GPHN: variants seen among roughly 807,000 people sequenced by gnomAD.
GPHN encodes gephyrin.
GPHN carries 17 observed loss-of-function variants against 95.5 expected under a neutral mutation model. The ratio of observed to expected loss-of-function variants is 0.18; its 90% confidence interval spans 0.12 to 0.27. The LOEUF (loss-of-function observed/expected upper bound fraction) is 0.27. Among genes scored for constraint, GPHN ranks in the 10% least tolerant of loss-of-function variants. GPHN has a pLI of 1.00. For synonymous variants in GPHN, 320 were observed against 322.5 expected (o/e 0.99, Z 0.08); for missense variants, 660 against 978.1 (o/e 0.67, Z 4.34).
At chr14:66,736,951 T>G (rs1211865661) in intron 2 of GPHN, among the ~76,000 whole-genome samples, 1 of 152,174 alleles carries the variant, frequency 6.6e-6, no homozygotes, top group African/African-American at 2.4e-5. Context: ...TGAATTTTCC[T>G]TTCATCTGTA....
At chr14:67,224,492 C>T in the GPHN span, 1 of 169,956 alleles carries the variant, frequency 5.9e-6, no homozygotes, top group Non-Finnish European at 1.3e-5. Flanking sequence ...AATCTCCTGA[C>T]CTCATGATCC....
At chr14:66,951,388 T>C (rs1370132914) in intron 8 of GPHN, among the ~76,000 whole-genome samples, 3 of 151,696 alleles carry the variant, frequency 2.0e-5, no homozygotes, top group African/African-American at 7.3e-5. Context: ...TGGTGGTGCA[T>C]GCCTGTAGTC....
the GPHN span, chr14:67,592,851 T>G: frequency 1.7e-6 from 1 of 592,158 alleles, no homozygotes; most frequent in Non-Finnish European, 3.0e-6. Context: ...AGTGGCGCAA[T>G]CTCGGCTCAC....
chr14:67,142,640 T>C (rs987488404), intron 17 of GPHN, among the ~76,000 whole-genome samples: 3 of 152,184 alleles, frequency 2.0e-5, no homozygotes, highest in African/African-American at 7.2e-5. Flanking sequence ...ACATTATGAA[T>C]ACCTACTGGC....
chr14:66,964,887 T>C (rs2153587375), intron 8 of GPHN, among the ~76,000 whole-genome samples: 1 of 152,328 alleles, frequency 6.6e-6, no homozygotes, highest in South Asian at 2.1e-4. Context: ...AATAGCTTGC[T>C]CAAGATTTCA....
the GPHN span, among the ~76,000 whole-genome samples, chr14:67,205,488 A>G: frequency 6.6e-6 from 1 of 152,196 alleles, no homozygotes; most frequent in Non-Finnish European, 1.5e-5. Flanking sequence ...CTGGTTTAAA[A>G]ATATATAGCA....
At position 66,513,533 on chromosome 14, in the gene GPHN, G is replaced by A. The variant is rs549152698; in HGVS notation, c.64+4942G>A. On this transcript the variant is annotated intron_variant, in intron 1 of 22. Transcript: ENST00000478722. ...CTCTGTTTCTGTAAATAGGATTGAA[G>A]AATAATGAAGCATATTTGGAATTTG... Among the ~76,000 whole-genome samples the A allele has an allele frequency of 1.1e-4, 16 of 151,688 alleles. No individual in the cohort carries two copies. In the South Asian group the frequency reaches 2.3e-3, roughly 22 times the overall value.
At chr14:66,839,813 T>C (rs2062002135) in intron 4 of GPHN, among the ~76,000 whole-genome samples, 1 of 152,102 alleles carries the variant, frequency 6.6e-6, no homozygotes, top group Non-Finnish European at 1.5e-5. Context: ...AGTTTCCATT[T>C]ATGGGCCCTA....
At chr14:67,007,526 C>A (rs1434487165) in intron 9 of GPHN, among the ~76,000 whole-genome samples, 3 of 152,154 alleles carry the variant, frequency 2.0e-5, no homozygotes, top group African/African-American at 7.2e-5. Flanking sequence ...TAGCACAGTT[C>A]AAGAGTTCAA....
At chr14:67,451,048 T>C in the GPHN span, among the ~76,000 whole-genome samples, 1 of 152,202 alleles carries the variant, frequency 6.6e-6, no homozygotes, top group Admixed American at 6.5e-5. Context: ...GGGGCCAACA[T>C]AGAGCTCAGG....
chr14:66,683,724 T>A (rs1327325608), intron 2 of GPHN, among the ~76,000 whole-genome samples: 1 of 151,518 alleles, frequency 6.6e-6, no homozygotes, highest in Admixed American at 6.6e-5. Context: ...ACGCCTGTAA[T>A]CCCAGCACTT....
the GPHN span, among the ~76,000 whole-genome samples, chr14:67,314,060 T>C: frequency 4.6e-5 from 7 of 152,180 alleles, no homozygotes; most frequent in Admixed American, 1.3e-4. Context: ...TCTGGCCTTA[T>C]CTTTTATCTA....
chr14:67,478,180 G>A, the GPHN span, among the ~76,000 whole-genome samples: 1 of 152,204 alleles, frequency 6.6e-6, no homozygotes, highest in Non-Finnish European at 1.5e-5. Flanking sequence ...CTCCTCCGGG[G>A]CCCAGTGGAC....
chr14:66,836,174 A>C (rs1296535322), intron 4 of GPHN, among the ~76,000 whole-genome samples: 1 of 130,938 alleles, frequency 7.6e-6, no homozygotes, highest in Non-Finnish European at 1.5e-5. Flanking sequence ...GAGGCATCAC[A>C]CTACCTGACT....
chr14:66,783,125 TCAG>T, intron 3 of GPHN, among the ~76,000 whole-genome samples: 1 of 152,290 alleles, frequency 6.6e-6, no homozygotes, highest in Admixed American at 6.5e-5. Context: ...GAATGGCTTT[TCAG>T]CAATATTTGC....
At chr14:67,221,074 A>T in the GPHN span, among the ~76,000 whole-genome samples, 1 of 152,228 alleles carries the variant, frequency 6.6e-6, no homozygotes, top group South Asian at 2.1e-4. Context: ...TAGTATGCCA[A>T]TGAGGTTAAG....
At chr14:67,610,685 A>G in the GPHN span, among the ~76,000 whole-genome samples, 2 of 152,138 alleles carry the variant, frequency 1.3e-5, no homozygotes, top group South Asian at 2.1e-4. Context: ...TGGTCCTGAC[A>G]TCACCCACAC....
chr14:66,916,634 C>A (rs1475470440), intron 6 of GPHN, among the ~76,000 whole-genome samples: 2 of 151,902 alleles, frequency 1.3e-5, no homozygotes, highest in African/African-American at 4.8e-5. Context: ...AGAACTGACA[C>A]CATGTGGCCA....
chr14:67,724,293 G>A, the GPHN span, among the ~76,000 whole-genome samples: 1 of 152,080 alleles, frequency 6.6e-6, no homozygotes, highest in Non-Finnish European at 1.5e-5. Context: ...ATAAACAGGC[G>A]ACTACCTTGC....
Sources: gnomAD v4.1 joint callset for allele counts (sites outside exome capture counted in the v4.1 genomes callset) on GRCh38, gnomAD v4.1.1 for gene constraint, MANE v1.5 for transcripts, NCBI Gene and HGNC (gene_info 2026-07-23, HGNC 2026-07-21) for gene names.